Variants in AKAP6 observed in about 807,000 individuals in gnomAD.
AKAP6 encodes the protein A-kinase anchoring protein 6, also known as A-kinase anchor protein 6.
A neutral mutation model predicts 188.5 loss-of-function variants in AKAP6; 58 were observed. The ratio of observed to expected loss-of-function variants is 0.31; its 90% CI spans 0.25 to 0.38. AKAP6 has a LOEUF of 0.38. Ranked by LOEUF, AKAP6 falls within the 10% of genes least tolerant of loss-of-function variation. AKAP6 has a pLI of 1.00. For missense variants in AKAP6, 2,710 were observed against 2,740.0 expected, an observed-to-expected ratio of 0.99 and a Z score of 0.24; for synonymous variants, 989 against 998.6, an observed-to-expected ratio of 0.99 and a Z score of 0.18.
rs188187528 is a variant in AKAP6, at chr14:32,704,182, A to C, written c.3000+8072A>C. Among the ~76,000 whole-genome samples the C allele has an allele frequency of 2.9e-3, 441 of 152,300 alleles. 2 individuals carry two copies. Among genetic ancestry groups the C allele is most frequent in the African/African-American group, 1.0e-2 (414 of 41,574 alleles). ...ATCCAAATGATTACAGATAGCACTTAAATTAGTTGACCTGTTTGGGAGATT... is the reference window on the plus strand; with the variant it reads ...ATCCAAATGATTACAGATAGCACTTCAATTAGTTGACCTGTTTGGGAGATT... On this transcript the variant is annotated intron_variant, in intron 9 of 13. Coordinates refer to ENST00000280979, the MANE Select transcript of AKAP6 (RefSeq NM_004274.5).
At chr14:32,756,847 C>T (rs2032353441) in intron 11 of AKAP6, among the ~76,000 whole-genome samples, 1 of 152,132 alleles carries the variant, frequency 6.6e-6, no homozygotes, top group African/African-American at 2.4e-5. Flanking sequence ...TAGCAGCCTC[C>T]TGCCTAGAAT....
chr14:32,663,653 C>A (rs1888799072), intron 7 of AKAP6, among the ~76,000 whole-genome samples: 1 of 151,996 alleles, frequency 6.6e-6, no homozygotes, highest in African/African-American at 2.4e-5. Context: ...TAGGTTCATT[C>A]AAGGAATTAA....
At chr14:32,694,339 T>C (rs1286985188) in intron 8 of AKAP6, among the ~76,000 whole-genome samples, 3 of 144,142 alleles carry the variant, frequency 2.1e-5, no homozygotes, top group South Asian at 2.2e-4. Flanking sequence ...TCAGCCTGGA[T>C]AACAGAGTGA....
chr14:32,362,023 A>AT (rs900308153), intron 1 of AKAP6, among the ~76,000 whole-genome samples: 9 of 151,974 alleles, frequency 5.9e-5, no homozygotes, highest in South Asian at 2.1e-4. Flanking sequence ...AAAATGATTG[A>AT]TTTTAAACAA....
chr14:32,647,343 T>C (rs1416693446), intron 7 of AKAP6, among the ~76,000 whole-genome samples: 1 of 152,126 alleles, frequency 6.6e-6, no homozygotes, highest in African/African-American at 2.4e-5. Flanking sequence ...AGCTGGAAGA[T>C]TGTTCTCCTT....
intron 2 of AKAP6, among the ~76,000 whole-genome samples, chr14:32,492,383 G>GAGAGAGAGAGAGA (rs1566537012): frequency 7.1e-5 from 10 of 141,538 alleles, no homozygotes; most frequent in East Asian, 2.0e-4. Flanking sequence ...GAGAGAGAGA[G>GAGAGAGAGAGAGA]GCATTTGGAT....
intron 5 of AKAP6, among the ~76,000 whole-genome samples, chr14:32,596,177 A>G (rs1885695095): frequency 6.6e-6 from 1 of 152,172 alleles, no homozygotes; most frequent in East Asian, 1.9e-4. Context: ...GAATGTGCTT[A>G]TGATCTTTCC....
In AKAP6 at chr14:32,600,551, T is replaced by C. The variant is rs1885882470; in HGVS notation, c.2567-78T>C. 2.9e-6 allele frequency: 4 copies of C among 1,379,080 alleles called. No homozygotes were observed. In the South Asian group the frequency reaches 6.5e-5, roughly 22 times the overall value. The allele number at this position is 1,379,080 out of a possible 1,614,324, so 85.4% of individuals were successfully genotyped here. A position where few individuals can be genotyped will look rare whatever the true frequency, so the allele number is the denominator to read the frequency against. ...ATATTTATATTGTTTAAAATAGCCA[T>C]CTAATTTACTAAATAAAAATAATGA... On this transcript the variant is annotated intron_variant, in intron 6 of 13. Coordinates refer to ENST00000280979, the MANE Select transcript of AKAP6 (RefSeq NM_004274.5).
At chr14:32,756,321 G>T (rs2032331947) in intron 11 of AKAP6, among the ~76,000 whole-genome samples, 1 of 152,108 alleles carries the variant, frequency 6.6e-6, no homozygotes, top group Admixed American at 6.5e-5. Context: ...CAGTGCTTGG[G>T]TCTTTGGGGA....
At chr14:32,439,300 A>G (rs574842879) in intron 2 of AKAP6, among the ~76,000 whole-genome samples, 29 of 152,316 alleles carry the variant, frequency 1.9e-4, no homozygotes, top group African/African-American at 6.7e-4. Flanking sequence ...GATGGACCTT[A>G]TGGACAGAAG....
chr14:32,742,310 A>C (rs753451299), intron 11 of AKAP6, among the ~76,000 whole-genome samples: 1 of 150,464 alleles, frequency 6.6e-6, no homozygotes, highest in South Asian at 2.2e-4. Flanking sequence ...GAACTTAAAA[A>C]AATGACTTTT....
chr14:32,779,430 A>AAAAC (rs1379113238), intron 12 of AKAP6, among the ~76,000 whole-genome samples: 2 of 150,738 alleles, frequency 1.3e-5, no homozygotes, highest in Admixed American at 6.6e-5. Context: ...AAAAAAAAAA[A>AAAAC]ACAAAGGAAA....
At chr14:32,426,973 C>T (rs750088747) in intron 1 of AKAP6, among the ~76,000 whole-genome samples, 2 of 152,038 alleles carry the variant, frequency 1.3e-5, no homozygotes, top group Admixed American at 6.6e-5. Context: ...GGAGATGGTG[C>T]GTGGTCTCTA....
intron 8 of AKAP6, among the ~76,000 whole-genome samples, chr14:32,685,056 G>A (rs935593329): frequency 6.6e-6 from 1 of 151,084 alleles, no homozygotes; most frequent in Non-Finnish European, 1.5e-5. Context: ...AGGAGTTCAA[G>A]ACCAGCCTTG....
At chr14:32,440,463 A>G (rs1464709940) in intron 2 of AKAP6, among the ~76,000 whole-genome samples, 3 of 152,122 alleles carry the variant, frequency 2.0e-5, no homozygotes, top group African/African-American at 7.2e-5. Flanking sequence ...CATGTACCCT[A>G]GAACTTAAAG....
intron 1 of AKAP6, among the ~76,000 whole-genome samples, chr14:32,412,023 T>G (rs893476870): frequency 3.9e-5 from 6 of 152,274 alleles, no homozygotes; most frequent in Non-Finnish European, 5.9e-5. Context: ...TTGGTTTTTG[T>G]GAGGCAGAGT....
chr14:32,811,044 C>T lies in AKAP6; in HGVS notation c.3589-10358C>T, dbSNP rs183446349. On this transcript the variant is annotated intron_variant, in intron 12 of 13. Transcript: ENST00000280979. ...CACGAGGTCAGGAGATCGAGACCAT[C>T]CTGGCTAACATGGAGAAACCCCGTC... Among the ~76,000 whole-genome samples the T allele has an allele frequency of 8.7e-3, 1,322 of 151,970 alleles. 29 individuals are homozygous for T. The highest frequency in any genetic ancestry group is 0.03 in the African/African-American group (1,252 of 41,446).
At chr14:32,537,374 T>C (rs1882730515) in intron 3 of AKAP6, among the ~76,000 whole-genome samples, 1 of 152,170 alleles carries the variant, frequency 6.6e-6, no homozygotes, top group African/African-American at 2.4e-5. Context: ...CCTAGAGGGT[T>C]CTCAACTGGG....
At chr14:32,491,203 G>A (rs1262841110) in intron 2 of AKAP6, among the ~76,000 whole-genome samples, 1 of 152,146 alleles carries the variant, frequency 6.6e-6, no homozygotes, top group Non-Finnish European at 1.5e-5. Context: ...GCCAAGAAAT[G>A]AAGAGTTATT....
Sources: gnomAD v4.1 joint callset for allele counts (sites outside exome capture counted in the v4.1 genomes callset) on GRCh38, gnomAD v4.1.1 for gene constraint, MANE v1.5 for transcripts, NCBI Gene and HGNC (gene_info 2026-07-23, HGNC 2026-07-21) for gene names.